The following FREM3 variants were observed in gnomAD, a reference collection of about 807,000 sequenced individuals.
FREM3 encodes the protein FRAS1-related extracellular matrix protein 3.
FREM3 carries 105 observed loss-of-function variants against 129.1 expected under a neutral mutation model. That is an observed-to-expected ratio of 0.81 (90% CI 0.69 to 0.96). The LOEUF (loss-of-function observed/expected upper bound fraction) is 0.96, where lower values mean the gene tolerates loss of function less well. Among genes scored for constraint, FREM3 ranks in the 40% least tolerant of loss-of-function variants. The pLI, the probability that FREM3 is intolerant of heterozygous loss-of-function variation, is 0.00. For missense variants in FREM3, 2,593 were observed against 2,666.3 expected (o/e 0.97, Z 0.61); for synonymous variants, 1,014 against 1,044.9 (o/e 0.97, Z 0.57).
intron 2 of FREM3, among the ~76,000 whole-genome samples, chr4:143,644,395 A>G (rs1227674358): frequency 6.6e-6 from 1 of 152,190 alleles, no homozygotes; most frequent in Non-Finnish European, 1.5e-5. Flanking sequence ...AATATAAAGA[A>G]TGAGTATCTA....
At chr4:143,644,048 A>C (rs907151039) in intron 2 of FREM3, among the ~76,000 whole-genome samples, 2 of 152,184 alleles carry the variant, frequency 1.3e-5, no homozygotes, top group Non-Finnish European at 2.9e-5. Context: ...GCTGCTGCAT[A>C]ATTTAACATA....
At position 143,699,557 on chromosome 4, in the gene FREM3, T is replaced by C. The variant is rs1481084649; in HGVS notation, c.1119A>G (p.Pro373=). 8 of 1,536,894 alleles carry C rather than the reference T, an allele frequency of 5.2e-6. No individual in the cohort carries two copies. Among genetic ancestry groups the C allele is most frequent in the South Asian group, 3.6e-5 (3 of 84,046 alleles). ...VVSTDDPLGL[P]VSFFTQQELR... Reference sequence around the variant, plus strand: ...GCTCCTGCTGGGTGAAGAAGGAGACTGGAAGCCCTAGAGGGTCGTCGGTGC... The same window carrying C: ...GCTCCTGCTGGGTGAAGAAGGAGACCGGAAGCCCTAGAGGGTCGTCGGTGC... Residue 373 remains proline, a synonymous_variant, in exon 1 of 8, where the codon CCA becomes CCG. Coordinates refer to ENST00000329798, the MANE Select transcript of FREM3 (RefSeq NM_001168235.2). This position sits in a 1 kb window ranked among gnomAD's most constrained non-coding sequence, Gnocchi z 4.2.
intron 7 of FREM3, among the ~76,000 whole-genome samples, chr4:143,581,632 A>G (rs764834023): frequency 1.3e-5 from 2 of 152,022 alleles, no homozygotes; most frequent in Non-Finnish European, 2.9e-5. Context: ...GAAGGAACAA[A>G]GAGTCTGAGG....
At chr4:143,674,447 G>A (rs1206824440) in intron 2 of FREM3, among the ~76,000 whole-genome samples, 1 of 152,114 alleles carries the variant, frequency 6.6e-6, no homozygotes, top group Non-Finnish European at 1.5e-5. Context: ...ATGCCAAATT[G>A]TAAAGACCAT....
At chr4:143,633,618 T>C (rs945055555) in intron 2 of FREM3, among the ~76,000 whole-genome samples, 1 of 152,172 alleles carries the variant, frequency 6.6e-6, no homozygotes, top group East Asian at 1.9e-4. Flanking sequence ...TGGCATGCAG[T>C]AGGCACTCAA....
At chr4:143,586,613 C>G (rs1422544652) in intron 6 of FREM3, among the ~76,000 whole-genome samples, 1 of 152,134 alleles carries the variant, frequency 6.6e-6, no homozygotes, top group Non-Finnish European at 1.5e-5. Context: ...AGCACAGACA[C>G]CAGGCTTCAG....
At chr4:143,644,839 A>G (rs1314500707) in intron 2 of FREM3, among the ~76,000 whole-genome samples, 1 of 152,194 alleles carries the variant, frequency 6.6e-6, no homozygotes, top group Non-Finnish European at 1.5e-5. Flanking sequence ...TTCCATAGTT[A>G]TATTAGGGTA....
chr4:143,584,469 G>A (rs1231475691), intron 7 of FREM3, among the ~76,000 whole-genome samples: 3 of 151,428 alleles, frequency 2.0e-5, no homozygotes, highest in South Asian at 2.1e-4. Flanking sequence ...AAAAAAAGCA[G>A]GGGTTGCTAT....
chr4:143,579,326 G>A lies in FREM3; in HGVS notation c.6179-1474C>T, dbSNP rs540231416. 7.9e-5 allele frequency among the ~76,000 whole-genome samples: 12 copies of A among 152,236 alleles called. No homozygotes were observed. The South Asian group carries it at 2.5e-3, about 32-fold the overall frequency. ...AAATTAGCAGGGTATGGTGGTGAGT[G>A]CCTGTAGTCACAGCTACTTGGGAGG... is the stretch of plus-strand genomic sequence containing the variant. On this transcript the variant is annotated intron_variant, in intron 7 of 7. Transcript: ENST00000329798.
chr4:143,666,590 C>A (rs1739865795), intron 2 of FREM3, among the ~76,000 whole-genome samples: 1 of 151,960 alleles, frequency 6.6e-6, no homozygotes, highest in Admixed American at 6.6e-5. Flanking sequence ...CATGGATAAA[C>A]CTTTAAGACA....
At chr4:143,622,079 G>A (rs1236678491) in intron 4 of FREM3, among the ~76,000 whole-genome samples, 1 of 149,394 alleles carries the variant, frequency 6.7e-6, no homozygotes, top group African/African-American at 2.5e-5. Flanking sequence ...GGAAAAGATT[G>A]TAGGCAATCA....
At chr4:143,656,687 T>G (rs904635086) in intron 2 of FREM3, among the ~76,000 whole-genome samples, 3 of 152,156 alleles carry the variant, frequency 2.0e-5, no homozygotes, top group African/African-American at 7.2e-5. Flanking sequence ...GAAATGACTG[T>G]ATGAAATTTA....
At chr4:143,640,907 C>T (rs1739311599) in intron 2 of FREM3, among the ~76,000 whole-genome samples, 1 of 152,044 alleles carries the variant, frequency 6.6e-6, no homozygotes, top group Admixed American at 6.6e-5. Flanking sequence ...ACTTTTTATT[C>T]AAAATCTAGC....
At chr4:143,627,532 GTA>G (rs1450040145) in intron 3 of FREM3, 80 bp downstream of exon 3, 1 of 1,143,720 alleles carries the variant, frequency 8.7e-7, no homozygotes, top group East Asian at 2.6e-5. Context: ...TTCTCTTTCA[GTA>G]TACTTTCTTG....
Position 143,696,352 on chromosome 4 carries a change from C to T in FREM3, c.4324G>A (p.Val1442Met). ...GTAAGCAGATTGTTGGTAAGGGTCA[C>T]TCTGGCACCTTCTATCAAGGTGATC... ...KRITLIEGAR[V>M]TLTNNLLTNS... The change falls in exon 1 of 8, where the codon GTG becomes ATG. Residue 1442 changes from valine (V) to methionine (M), a missense_variant. By Grantham distance (21) the Val-to-Met change is conservative. Transcript: ENST00000329798. 6.5e-7 allele frequency: 1 copy of T among 1,537,402 alleles called. No homozygotes were observed.
intron 2 of FREM3, among the ~76,000 whole-genome samples, chr4:143,682,910 C>T (rs1375129769): frequency 1.3e-5 from 2 of 152,074 alleles, no homozygotes; most frequent in African/African-American, 4.8e-5. Context: ...TAAATGAAGG[C>T]TTTTGAGACA....
At chr4:143,591,912 A>G (rs1018710476) in intron 6 of FREM3, among the ~76,000 whole-genome samples, 2 of 152,210 alleles carry the variant, frequency 1.3e-5, no homozygotes, top group Admixed American at 1.3e-4. Context: ...TGCTTTATGA[A>G]TCTGGATGCT....
intron 2 of FREM3, among the ~76,000 whole-genome samples, chr4:143,679,316 G>C (rs1740207348): frequency 6.6e-6 from 1 of 152,068 alleles, no homozygotes. Context: ...CTCATTCGTT[G>C]AATTCTCTTC....
chr4:143,649,557 C>G (rs1453162564), intron 2 of FREM3, among the ~76,000 whole-genome samples: 1 of 152,154 alleles, frequency 6.6e-6, no homozygotes, highest in Non-Finnish European at 1.5e-5. Context: ...ATTAGTAATA[C>G]CTATTGACTA....
Sources: gnomAD v4.1 joint callset for allele counts (sites outside exome capture counted in the v4.1 genomes callset) on GRCh38, gnomAD v4.1.1 for gene constraint, Gnocchi (gnomAD v3.1) non-coding constraint, MANE v1.5 for transcripts, NCBI Gene and HGNC (gene_info 2026-07-23, HGNC 2026-07-21) for gene names.